Variants in ZC3H14 observed in about 807,000 individuals in gnomAD.
ZC3H14 encodes the protein zinc finger CCCH domain-containing protein 14.
Under a neutral mutation model 92.4 loss-of-function variants are expected in ZC3H14, and 31 were observed. The observed-to-expected ratio is 0.34, with a 90% confidence interval of 0.25 to 0.45. The LOEUF (loss-of-function observed/expected upper bound fraction) is 0.45. ZC3H14 is among the 20% of genes least tolerant of loss of function. The probability of loss-of-function intolerance (pLI) is 1.00; values close to 1 mark genes in which losing one functional copy is unlikely to be tolerated. For synonymous variants in ZC3H14, 321 were observed against 300.9 expected, an observed-to-expected ratio of 1.07 and a Z score of -0.69; for missense variants, 781 against 897.3, an observed-to-expected ratio of 0.87 and a Z score of 1.66.
At chr14:88,583,727 T>A (rs2082174546) in intron 9 of ZC3H14, among the ~76,000 whole-genome samples, 1 of 152,204 alleles carries the variant, frequency 6.6e-6, no homozygotes, top group Non-Finnish European at 1.5e-5. Context: ...AACACTTGCT[T>A]AGTGCATAAT....
chr14:88,625,201 G>A lies in ZC3H14; in HGVS notation c.*13450G>A. ...AGAGTTTAAATAGATAATTTTCTATGTATGTGTAATGCTGTCTCACCCTTG... is the reference window on the plus strand; with the variant it reads ...AGAGTTTAAATAGATAATTTTCTATATATGTGTAATGCTGTCTCACCCTTG... On this transcript the variant is annotated 3_prime_UTR_variant, in exon 17 of 17. Coordinates refer to ENST00000251038, the MANE Select transcript of ZC3H14 (RefSeq NM_024824.5). 1 of 1,520,054 alleles carries A rather than the reference G, an allele frequency of 6.6e-7. No individual in the cohort carries two copies. Among genetic ancestry groups the A allele is most frequent in the Non-Finnish European group, 8.9e-7 (1 of 1,118,384 alleles). 94.2% of individuals were successfully genotyped at this position (1,520,054 alleles called of 1,614,324 possible).
intron 10 of ZC3H14, among the ~76,000 whole-genome samples, chr14:88,598,635 G>A (rs1472005884): frequency 6.6e-6 from 1 of 152,236 alleles, no homozygotes; most frequent in African/African-American, 2.4e-5. Flanking sequence ...ATTTTTAACA[G>A]TGTACCTTCA....
chr14:88,612,277 T>C lies in ZC3H14; in HGVS notation c.*526T>C, dbSNP rs2086900586. 6.5e-6 allele frequency: 1 copy of C among 154,544 alleles called. No homozygotes were observed. Among genetic ancestry groups the C allele is most frequent in the Admixed American group, 6.4e-5 (1 of 15,748 alleles). The allele number at this position is 154,544 out of a possible 1,614,324, so 9.6% of individuals were successfully genotyped here. ...TCTGCTTTTTAATTTTTAAGTGAAT[T>C]TAGTTTGAAAAGCATGATTATACAG... On this transcript the variant is annotated 3_prime_UTR_variant, in exon 17 of 17. Transcript: ENST00000251038.
Position 88,620,800 on chromosome 14 carries a change from T to A in ZC3H14, c.*9049T>A, listed in dbSNP as rs763902983. On this transcript the variant is annotated 3_prime_UTR_variant, in exon 17 of 17. Coordinates refer to ENST00000251038, the MANE Select transcript of ZC3H14 (RefSeq NM_024824.5). The surrounding 1 kb of genome is among the most constrained non-coding windows in gnomAD (Gnocchi z 4.3). ...CTCCTGTCTCTCTTCTTTCCCCATA[T>A]TTTTAGAGAACTCACTAGTAAAATG... 6.2e-7 allele frequency: 1 copy of A among 1,608,568 alleles called. No individual in the cohort carries two copies. The highest frequency in any genetic ancestry group is 1.3e-5 in the African/African-American group (1 of 74,728).
rs537195464 is a variant in ZC3H14 at position 88,621,288 on chromosome 14, A to G, written c.*9537A>G. 2.5e-6 allele frequency: 4 copies of G among 1,613,914 alleles called. No individual in the cohort carries two copies. Among genetic ancestry groups the G allele is most frequent in the African/African-American group, 1.3e-5 (1 of 75,050 alleles). On this transcript the variant is annotated 3_prime_UTR_variant, in exon 17 of 17. Coordinates refer to ENST00000251038, the MANE Select transcript of ZC3H14 (RefSeq NM_024824.5). Reference sequence around the variant, plus strand: ...GATTATTTCAGCATTCCTTGTCCCAACAAGGATCTTGCCCTGAAACACAAG... The same window carrying G: ...GATTATTTCAGCATTCCTTGTCCCAGCAAGGATCTTGCCCTGAAACACAAG...
In ZC3H14 at chr14:88,609,821, C is replaced by A; in HGVS notation, c.2097+18C>A. 3 of 1,609,684 alleles carry A rather than the reference C, an allele frequency of 1.9e-6. No homozygotes were observed. The highest frequency in any genetic ancestry group is 2.6e-6 in the Non-Finnish European group (3 of 1,175,974). On this transcript the variant is annotated intron_variant, in intron 15 of 16. Transcript: ENST00000251038. ...ATCCAAAAGTAAGAACTTCTATTTT[C>A]TCAAATCAATTTAGTGACAACATCT...
rs1480052466 is a variant in ZC3H14, at chr14:88,625,012, G to A, written c.*13261G>A. 6.2e-7 allele frequency: 1 copy of A among 1,613,718 alleles called. No homozygotes were observed. Among genetic ancestry groups the A allele is most frequent in the Admixed American group, 1.7e-5 (1 of 60,010 alleles). ...AGTCACGATAAGTCCATCTCGCAGG[G>A]TGGTGTACATGGCAAACACAGGCCC... On this transcript the variant is annotated 3_prime_UTR_variant, in exon 17 of 17. Transcript: ENST00000251038.
chr14:88,595,303 C>T (rs1194719910), intron 9 of ZC3H14, among the ~76,000 whole-genome samples: 1 of 152,208 alleles, frequency 6.6e-6, no homozygotes, highest in Admixed American at 6.5e-5. Context: ...ATTCCATCCT[C>T]TTTAATGGAG....
intron 9 of ZC3H14, chr14:88,594,474 T>C (rs779506652): frequency 1.5e-6 from 2 of 1,315,600 alleles, no homozygotes; most frequent in Non-Finnish European, 1.9e-6. Context: ...TTCTTAGTTG[T>C]AGCGAAGAGC....
Position 88,574,726 on chromosome 14 carries a change from G to T in ZC3H14, c.895G>T (p.Val299Leu), listed in dbSNP as rs1469496362. Residue 299 changes from valine to leucine, a missense_variant, in exon 7 of 17, where the codon GTA becomes TTA. Around this residue, in one of 3 missense-constraint regions of ZC3H14, gnomAD observed 454 missense variants for 438.5 expected, o/e 1.04. Coordinates refer to ENST00000251038, the MANE Select transcript of ZC3H14 (RefSeq NM_024824.5). ...CTTTCGGAAGAGAAAGTTGCCTGTG[G>T]TAAGTTCAGTTGTTAAAGTAAAAAA... Reference protein sequence around the residue: ...ENFRKRKLPVVSSVVKVKKFN... With the variant: ...ENFRKRKLPVLSSVVKVKKFN... The T allele has an allele frequency of 1.2e-6, 2 of 1,614,098 alleles. No homozygotes were observed. Among genetic ancestry groups the T allele is most frequent in the East Asian group, 4.5e-5 (2 of 44,870 alleles).
intron 2 of ZC3H14, among the ~76,000 whole-genome samples, chr14:88,567,421 CTTT>C (rs75032234): frequency 4.7e-5 from 6 of 128,688 alleles, no homozygotes; most frequent in Non-Finnish European, 3.4e-5. Flanking sequence ...GGCCTTTTTT[CTTT>C]TTTTTTTTTT....
chr14:88,611,718 A>T (rs966387084), intron 16 of ZC3H14, 27 bp from the exon 17 acceptor site: 18 of 1,613,824 alleles, frequency 1.1e-5, no homozygotes, highest in Non-Finnish European at 1.5e-5. Flanking sequence ...CAGATAATTA[A>T]AACAATTTTT....
rs1411020769 is a variant in ZC3H14 at position 88,620,922 on chromosome 14, A to G, written c.*9171A>G. 2 of 1,482,480 alleles carry G rather than the reference A, an allele frequency of 1.3e-6. No homozygotes were observed. The highest frequency in any genetic ancestry group is 2.5e-5 in the East Asian group (1 of 40,124). The allele number at this position is 1,482,480 out of a possible 1,614,324, so 91.8% of individuals were successfully genotyped here. ...ATGTCCCAAATTCACTTTGTTTAAC[A>G]TCTTCTGCATTTAAAAAAAAAAAAA... is the stretch of plus-strand genomic sequence containing the variant. On this transcript the variant is annotated 3_prime_UTR_variant, in exon 17 of 17. Coordinates refer to ENST00000251038, the MANE Select transcript of ZC3H14 (RefSeq NM_024824.5). This position sits in a 1 kb window ranked among gnomAD's most constrained non-coding sequence, Gnocchi z 4.3.
In ZC3H14 at chr14:88,622,564, T is replaced by C. The variant is rs746899445; in HGVS notation, c.*10813T>C. 2 of 1,463,616 alleles carry C rather than the reference T, an allele frequency of 1.4e-6. No individual in the cohort carries two copies. The highest frequency in any genetic ancestry group is 2.2e-5 in the Admixed American group (1 of 46,082). 90.7% of individuals were successfully genotyped at this position (1,463,616 alleles called of 1,614,324 possible). A position where few individuals can be genotyped will look rare whatever the true frequency, so the allele number is the denominator to read the frequency against. On this transcript the variant is annotated 3_prime_UTR_variant, in exon 17 of 17. Transcript: ENST00000251038. The stretch of plus-strand genomic sequence containing the variant: ...GGGAATCACAGTAATAACCACTTTC[T>C]GTTTTCTGCTGCACTGTATCAGCTC...
At chr14:88,599,878 A>G (rs1484811073) in intron 10 of ZC3H14, among the ~76,000 whole-genome samples, 1 of 152,164 alleles carries the variant, frequency 6.6e-6, no homozygotes, top group Non-Finnish European at 1.5e-5. Context: ...TCGGTGAATC[A>G]TTTAATAACT....
chr14:88,567,977 A>G, intron 2 of ZC3H14, 62 bp from the exon 3 acceptor site: 1 of 1,355,558 alleles, frequency 7.4e-7, no homozygotes, highest in Non-Finnish European at 1.0e-6. Flanking sequence ...TTTCAAGCAC[A>G]TCAACTTTAA....
At chr14:88,588,349 T>C (rs1304345711) in intron 9 of ZC3H14, among the ~76,000 whole-genome samples, 1 of 152,226 alleles carries the variant, frequency 6.6e-6, no homozygotes, top group East Asian at 1.9e-4. Flanking sequence ...CTTAAGAAAG[T>C]ATAGAAGGTA....
At chr14:88,596,417 G>T (rs954631044) in intron 9 of ZC3H14, among the ~76,000 whole-genome samples, 2 of 152,146 alleles carry the variant, frequency 1.3e-5, no homozygotes, top group Non-Finnish European at 1.5e-5. Context: ...TGGGCCACAA[G>T]GTGCCTTTTC....
At chr14:88,566,648 G>A (rs998381881) in intron 2 of ZC3H14, among the ~76,000 whole-genome samples, 1 of 152,110 alleles carries the variant, frequency 6.6e-6, no homozygotes, top group African/African-American at 2.4e-5. Flanking sequence ...GTCACAGCAT[G>A]GTGGTTCACG....
Sources: gnomAD v4.1 joint callset for allele counts (sites outside exome capture counted in the v4.1 genomes callset) on GRCh38, gnomAD v4.1.1 for gene constraint, gnomAD v4.1.1 regional missense constraint, Gnocchi (gnomAD v3.1) non-coding constraint, MANE v1.5 for transcripts, NCBI Gene and HGNC (gene_info 2026-07-23, HGNC 2026-07-21) for gene names.